C11orf97: variants seen among roughly 807,000 people sequenced by gnomAD.
C11orf97 encodes the protein uncharacterized protein C11orf97.
In C11orf97, 15 loss-of-function variants were observed where a neutral mutation model predicts 16.2. The observed-to-expected ratio is 0.93, with a 90% CI of 0.62 to 1.43. C11orf97 has a LOEUF of 1.43. Among genes scored for constraint, C11orf97 ranks in the 40% most tolerant of loss-of-function variants. The pLI is 0.00. For synonymous variants in C11orf97, 61 were observed against 65.7 expected (o/e 0.93, Z 0.34); for missense variants, 171 against 161.2 (o/e 1.06, Z -0.33).
chr11:94,531,984 T>C lies in C11orf97; in HGVS notation c.*84T>C, dbSNP rs1947742825. On this transcript the variant is annotated 3_prime_UTR_variant, in exon 4 of 4. Coordinates refer to ENST00000542198, the MANE Select transcript of C11orf97 (RefSeq NM_001190462.2). ...GAAGAAACTCAAGCTTGTTTCAGGA[T>C]TTAAGATGTGTGCAAAAAAATGATA... The C allele has an allele frequency of 1.7e-6, 2 of 1,183,214 alleles. No individual in the cohort carries two copies. The highest frequency in any genetic ancestry group is 1.6e-5 in the African/African-American group (1 of 63,270). The allele number at this position is 1,183,214 out of a possible 1,614,324, so 73.3% of individuals were successfully genotyped here.
At chr11:94,517,967 G>A (rs368369793) in intron 2 of C11orf97, among the ~76,000 whole-genome samples, 4 of 152,104 alleles carry the variant, frequency 2.6e-5, no homozygotes, top group South Asian at 2.1e-4. Context: ...GGCTAACACG[G>A]TGAAAACCCG....
At chr11:94,527,043 C>T (rs1325653885) in intron 2 of C11orf97, among the ~76,000 whole-genome samples, 1 of 152,144 alleles carries the variant, frequency 6.6e-6, no homozygotes, top group African/African-American at 2.4e-5. Flanking sequence ...TCATCTAAAT[C>T]GTACAATAAT....
At chr11:94,516,972 G>GAGCT (rs1947615858) in intron 1 of C11orf97, among the ~76,000 whole-genome samples, 1 of 152,150 alleles carries the variant, frequency 6.6e-6, no homozygotes, top group South Asian at 2.1e-4. Context: ...CATCTGGGCT[G>GAGCT]AGCTACATTT....
At chr11:94,516,686 G>T (rs565969098) in intron 1 of C11orf97, among the ~76,000 whole-genome samples, 1 of 152,102 alleles carries the variant, frequency 6.6e-6, no homozygotes, top group African/African-American at 2.4e-5. Flanking sequence ...AAAGGAGGGT[G>T]CCATGATAAA....
chr11:94,515,998 T>G (rs1006604950), intron 1 of C11orf97, among the ~76,000 whole-genome samples: 2 of 152,234 alleles, frequency 1.3e-5, no homozygotes, highest in African/African-American at 4.8e-5. Context: ...GATCATGATT[T>G]AACAGATTAA....
At chr11:94,518,548 G>A (rs1042808963) in intron 2 of C11orf97, among the ~76,000 whole-genome samples, 7 of 152,186 alleles carry the variant, frequency 4.6e-5, no homozygotes, top group South Asian at 4.1e-4. Flanking sequence ...ATTTCATCCC[G>A]TAGAGGATCT....
At chr11:94,526,730 CAGGGGAAGATTT>C (rs2135184263) in intron 2 of C11orf97, among the ~76,000 whole-genome samples, 1 of 152,264 alleles carries the variant, frequency 6.6e-6, no homozygotes, top group Non-Finnish European at 1.5e-5. Context: ...GCTTGAATGG[CAGGGGAAGATTT>C]AGGTTAGATA....
rs377262767 is a variant in C11orf97 at position 94,528,196 on chromosome 11, C to A, written c.363C>A (p.His121Gln). The A allele has an allele frequency of 3.3e-6, 5 of 1,534,704 alleles. No individual in the cohort carries two copies. ...LLPQAKYYSR[H>Q]GGLRR ...CACAAGCCAAGTACTACTCCAGGCA[C>A]GGAGGACTCAGAAGTAAGACCCTGA... Residue 121 changes from histidine (H) to glutamine (Q), a missense_variant, in exon 3 of 4, where the codon CAC becomes CAA. By Grantham distance (24) the His-to-Gln change is conservative (BLOSUM62 0). Transcript: ENST00000542198.
At chr11:94,522,536 A>AAAAC (rs374923381) in intron 2 of C11orf97, among the ~76,000 whole-genome samples, 8 of 151,696 alleles carry the variant, frequency 5.3e-5, no homozygotes, top group African/African-American at 9.7e-5. Context: ...ACTCCGTCTC[A>AAAAC]AAACAAACAA....
chr11:94,512,702 C>T (rs1451988058), intron 1 of C11orf97, 29 bp downstream of exon 1: 3 of 1,235,684 alleles, frequency 2.4e-6, no homozygotes, highest in Non-Finnish European at 3.0e-6. Context: ...GCGGACGCTA[C>T]TGGGAGGAGG....
At chr11:94,516,390 T>C (rs1010941274) in intron 1 of C11orf97, among the ~76,000 whole-genome samples, 2 of 152,236 alleles carry the variant, frequency 1.3e-5, no homozygotes, top group Admixed American at 1.3e-4. Flanking sequence ...ATCGGTTCAC[T>C]GACATTCACA....
At chr11:94,526,993 T>G (rs1176591852) in intron 2 of C11orf97, among the ~76,000 whole-genome samples, 1 of 152,180 alleles carries the variant, frequency 6.6e-6, no homozygotes, top group Non-Finnish European at 1.5e-5. Flanking sequence ...TGTACAAAAA[T>G]AGCTATCATT....
chr11:94,515,867 A>T (rs1484076443), intron 1 of C11orf97, among the ~76,000 whole-genome samples: 1 of 151,954 alleles, frequency 6.6e-6, no homozygotes, highest in Non-Finnish European at 1.5e-5. Flanking sequence ...TTTTCCTAGC[A>T]CCAGGGCTGA....
rs2135178537 is a variant in C11orf97 at position 94,517,677 on chromosome 11, T to C, written c.240T>C (p.Asn80=). The C allele has an allele frequency of 6.6e-7, 1 of 1,525,056 alleles. No individual in the cohort carries two copies. Among genetic ancestry groups the C allele is most frequent in the East Asian group, 2.5e-5 (1 of 40,588 alleles). The allele number at this position is 1,525,056 out of a possible 1,614,324, so 94.5% of individuals were successfully genotyped here. ...AGAGAGATGAATGCCACATTAAAAA[T>C]CCAGCTGCAGGTAATCTCAGTGACA... ...HIKRDECHIK[N]PAAVALEGIW... The change falls in exon 2 of 4, where the codon AAT becomes AAC. Residue 80 remains asparagine, a synonymous_variant. Coordinates refer to ENST00000542198, the MANE Select transcript of C11orf97 (RefSeq NM_001190462.2).
intron 2 of C11orf97, 57 bp from the exon 3 acceptor site, chr11:94,528,027 T>C (rs1234768441): frequency 4.9e-6 from 7 of 1,439,290 alleles, no homozygotes; most frequent in Non-Finnish European, 6.4e-6. Flanking sequence ...TTAAAAACTC[T>C]GTGCTAAAAA....
chr11:94,518,865 AG>A (rs1401816052), intron 2 of C11orf97, among the ~76,000 whole-genome samples: 1 of 152,200 alleles, frequency 6.6e-6, no homozygotes, highest in Admixed American at 6.5e-5. Context: ...CTGCAGGCCC[AG>A]AAGTCCATCA....
intron 2 of C11orf97, among the ~76,000 whole-genome samples, chr11:94,518,111 G>C (rs1947625754): frequency 7.2e-6 from 1 of 138,990 alleles, no homozygotes; most frequent in African/African-American, 2.8e-5. Flanking sequence ...TCGCGCCACT[G>C]TACCCCAGCC....
At chr11:94,528,766 G>C (rs748407961) in intron 3 of C11orf97, among the ~76,000 whole-genome samples, 1 of 152,164 alleles carries the variant, frequency 6.6e-6, no homozygotes, top group Non-Finnish European at 1.5e-5. Flanking sequence ...AACATTTGTA[G>C]CAGGATGTGG....
chr11:94,530,665 G>A (rs1055685103), intron 3 of C11orf97, among the ~76,000 whole-genome samples: 7 of 152,194 alleles, frequency 4.6e-5, no homozygotes, highest in African/African-American at 1.7e-4. Flanking sequence ...GAACCAGTAA[G>A]TATATGTTAA....
Sources: allele counts gnomAD v4.1 joint callset (sites outside exome capture counted in the v4.1 genomes callset), GRCh38; gene constraint gnomAD v4.1.1; transcripts MANE v1.5; gene names NCBI Gene and HGNC (gene_info 2026-07-23, HGNC 2026-07-21).